The following CCDC92 variants were observed in gnomAD, a reference collection of about 807,000 sequenced individuals.
CCDC92 encodes coiled-coil domain-containing protein 92.
A neutral mutation model predicts 24.9 loss-of-function variants in CCDC92; 12 were observed. The ratio of observed to expected loss-of-function variants is 0.48; its 90% CI spans 0.31 to 0.78. The LOEUF is 0.78. CCDC92 is among the 30% of genes least tolerant of loss of function. The pLI, the probability that CCDC92 is intolerant of heterozygous loss-of-function variation, is 0.05. For synonymous variants in CCDC92, 193 were observed against 196.3 expected (o/e 0.98, Z 0.14); for missense variants, 399 against 439.4 (o/e 0.91, Z 0.82).
intron 4 of CCDC92, among the ~76,000 whole-genome samples, chr12:123,941,372 C>T (rs979303509): frequency 7.2e-5 from 11 of 152,292 alleles, no homozygotes; most frequent in African/African-American, 2.4e-4. Flanking sequence ...CCCTACCACA[C>T]GCAGACAAAA....
intron 1 of CCDC92, among the ~76,000 whole-genome samples, chr12:123,967,140 T>A (rs1348515206): frequency 6.6e-6 from 1 of 152,118 alleles, no homozygotes; most frequent in Non-Finnish European, 1.5e-5. Flanking sequence ...TTGCAGAGGC[T>A]GAGGAGGATT....
Position 123,955,909 on chromosome 12 carries a change from G to A in CCDC92, c.-59-11545C>T, listed in dbSNP as rs551109304. 3.9e-5 allele frequency among the ~76,000 whole-genome samples: 6 copies of A among 152,318 alleles called. No individual in the cohort carries two copies. In the South Asian group the frequency reaches 1.0e-3, roughly 26 times the overall value. ...CCACTTATAAAGAGACGTTATCCTT[G>A]TGATGTGGTAGAAAGAGCTCTGCCC... is the stretch of plus-strand genomic sequence containing the variant. On this transcript the variant is annotated intron_variant, in intron 1 of 4. Coordinates refer to ENST00000238156, the MANE Select transcript of CCDC92 (RefSeq NM_025140.3).
chr12:123,937,617 C>A lies in CCDC92; in HGVS notation c.437G>T (p.Ser146Ile). 6.2e-7 allele frequency: 1 copy of A among 1,613,806 alleles called. No individual in the cohort carries two copies. ...AKSHKLTLLSSELEQRASTIA... is the reference protein window; with the variant it reads ...AKSHKLTLLSIELEQRASTIA... ...GGTGCTGGCCCGCTGCTCCAGCTCG[C>A]TAGACAGCAGGGTCAGCTTGTGACT... is the stretch of plus-strand genomic sequence containing the variant. The change falls in exon 5 of 5, where the codon AGC (serine) becomes ATC (isoleucine). Residue 146 changes from serine (S) to isoleucine (I), a missense_variant. Ser to Ile is a moderately radical substitution (Grantham distance 142, BLOSUM62 -2). Transcript: ENST00000238156. The surrounding 1 kb of genome is among the most constrained non-coding windows in gnomAD (Gnocchi z 8.4).
chr12:123,962,449 T>A (rs1349504203), intron 1 of CCDC92: 1 of 152,268 alleles, frequency 6.6e-6, no homozygotes, highest in Non-Finnish European at 1.5e-5. Flanking sequence ...TAATACAATT[T>A]CATGTGATAT....
intron 3 of CCDC92, 56 bp from the exon 4 acceptor site, chr12:123,942,841 C>T: frequency 6.9e-7 from 1 of 1,451,202 alleles, no homozygotes; most frequent in Non-Finnish European, 9.7e-7. Context: ...AAATCTTCAT[C>T]AGCTTTGAAA....
chr12:123,944,215 GC>G, intron 2 of CCDC92, 56 bp downstream of exon 2: 1 of 1,114,054 alleles, frequency 9.0e-7, no homozygotes, highest in East Asian at 2.4e-5. Flanking sequence ...CCAATGCTTG[GC>G]CCCTCCCAGC....
At chr12:123,955,571 T>TA (rs1003132381) in intron 1 of CCDC92, among the ~76,000 whole-genome samples, 27 of 152,238 alleles carry the variant, frequency 1.8e-4, no homozygotes, top group African/African-American at 6.5e-4. Context: ...GGCCTTCTTT[T>TA]ATCCATTTGT....
rs955880869 is a variant in CCDC92, at chr12:123,936,423, T to TAA, written c.*633_*634dup. ...ACAGAAGGAAGGCAGGTTTAGAAAATAAAGTTTGTTGGGATCTTAAACATT... is the reference window on the plus strand; with the variant it reads ...ACAGAAGGAAGGCAGGTTTAGAAAATAAAAAGTTTGTTGGGATCTTAAACATT... On this transcript the variant is annotated 3_prime_UTR_variant, in exon 5 of 5. Transcript: ENST00000238156. 4.2e-4 allele frequency: 64 copies of TAA among 152,792 alleles called. No homozygotes were observed. The highest frequency in any genetic ancestry group is 1.5e-3 in the African/African-American group (63 of 41,446). The allele number at this position is 152,792 out of a possible 1,614,324, so 9.5% of individuals were successfully genotyped here.
intron 4 of CCDC92, among the ~76,000 whole-genome samples, chr12:123,939,513 A>G (rs924252185): frequency 2.0e-5 from 3 of 152,200 alleles, no homozygotes; most frequent in Non-Finnish European, 4.4e-5. Flanking sequence ...TCAGCTTACC[A>G]TGGGTTTATC....
At chr12:123,948,851 G>A (rs1027289459) in intron 1 of CCDC92, among the ~76,000 whole-genome samples, 7 of 152,162 alleles carry the variant, frequency 4.6e-5, no homozygotes, top group African/African-American at 1.4e-4. Context: ...GAGTTTTCAC[G>A]GCTGAAAAGA....
At chr12:123,953,452 A>G (rs191833577) in intron 1 of CCDC92, among the ~76,000 whole-genome samples, 21 of 152,284 alleles carry the variant, frequency 1.4e-4, no homozygotes, top group South Asian at 4.1e-4. Context: ...CACATTTTTG[A>G]TATGTGTAGA....
At chr12:123,967,277 G>T (rs549397115) in intron 1 of CCDC92, among the ~76,000 whole-genome samples, 1 of 152,122 alleles carries the variant, frequency 6.6e-6, no homozygotes, top group Non-Finnish European at 1.5e-5. Flanking sequence ...AGAAGATAAA[G>T]ATGACTCAGT....
Position 123,937,183 on chromosome 12 carries a change from C to T in CCDC92, c.871G>A (p.Val291Met). ...GTGGCGTGGTGGATCCGATGTGCCA[C>T]CCCGACGTGGGCCTTGTGCGGCTTT... is the stretch of plus-strand genomic sequence containing the variant. ...REKPHKAHVGVAHRIHHATPP... is the reference protein window; with the variant it reads ...REKPHKAHVGMAHRIHHATPP... Residue 291 changes from valine (V) to methionine (M), a missense_variant, in exon 5 of 5, where the codon GTG becomes ATG. Val to Met is a conservative substitution (Grantham distance 21). Transcript: ENST00000238156. This position sits in a 1 kb window ranked among gnomAD's most constrained non-coding sequence, Gnocchi z 8.4. 2 of 1,609,944 alleles carry T rather than the reference C, an allele frequency of 1.2e-6. No homozygotes were observed. Among genetic ancestry groups the T allele is most frequent in the Non-Finnish European group, 1.7e-6 (2 of 1,179,626 alleles).
At chr12:123,950,742 C>G (rs758448892) in intron 1 of CCDC92, among the ~76,000 whole-genome samples, 4 of 152,142 alleles carry the variant, frequency 2.6e-5, no homozygotes, top group Non-Finnish European at 5.9e-5. Flanking sequence ...AAAAACAGCT[C>G]TGATGTTACC....
chr12:123,970,109 T>G (rs1013840350), intron 1 of CCDC92: 2 of 152,198 alleles, frequency 1.3e-5, no homozygotes, highest in African/African-American at 4.8e-5. Context: ...AGGGTTCATG[T>G]AGGTGTCTGC....
chr12:123,962,736 G>A (rs1218579841), intron 1 of CCDC92: 2 of 152,462 alleles, frequency 1.3e-5, no homozygotes, highest in Non-Finnish European at 2.9e-5. Context: ...TTACAGAGGA[G>A]CTGGCCTGCT....
At chr12:123,939,968 G>C (rs923000694) in intron 4 of CCDC92, among the ~76,000 whole-genome samples, 3 of 152,256 alleles carry the variant, frequency 2.0e-5, no homozygotes, top group Admixed American at 2.0e-4. Context: ...CGGGTGGACA[G>C]TGGGCCTTGG....
At chr12:123,939,013 C>T (rs566960530) in intron 4 of CCDC92, among the ~76,000 whole-genome samples, 1 of 152,334 alleles carries the variant, frequency 6.6e-6, no homozygotes, top group African/African-American at 2.4e-5. Context: ...AAAATGGTTC[C>T]TCACTGCCTA....
chr12:123,937,937 G>C lies in CCDC92; in HGVS notation c.224-107C>G. The C allele has an allele frequency of 8.6e-7, 1 of 1,160,090 alleles. No individual in the cohort carries two copies. Among genetic ancestry groups the C allele is most frequent in the Non-Finnish European group, 1.2e-6 (1 of 823,920 alleles). 71.9% of individuals were successfully genotyped at this position (1,160,090 alleles called of 1,614,324 possible). ...GTCTGGTGGGGGCCCTGTCTAGGCT[G>C]TGGGGGCCATGCAGAAGGCAGGGCT... On this transcript the variant is annotated intron_variant, in intron 4 of 4. Coordinates refer to ENST00000238156, the MANE Select transcript of CCDC92 (RefSeq NM_025140.3). The surrounding 1 kb of genome is among the most constrained non-coding windows in gnomAD (Gnocchi z 8.4).
Sources: gnomAD v4.1 joint callset for allele counts (sites outside exome capture counted in the v4.1 genomes callset) on GRCh38, gnomAD v4.1.1 for gene constraint, Gnocchi (gnomAD v3.1) non-coding constraint, MANE v1.5 for transcripts, NCBI Gene and HGNC (gene_info 2026-07-23, HGNC 2026-07-21) for gene names.